The following TAFA5 variants were observed in gnomAD, a reference collection of about 807,000 sequenced individuals.
The protein encoded by TAFA5 is chemokine-like protein TAFA-5.
Under a neutral mutation model 15.3 loss-of-function variants are expected in TAFA5, and 6 were observed. The ratio of observed to expected loss-of-function variants is 0.39; its 90% CI spans 0.21 to 0.77. The LOEUF is 0.77. Among genes scored for constraint, TAFA5 ranks in the 30% least tolerant of loss-of-function variants. The probability of loss-of-function intolerance (pLI) is 0.41; values close to 1 mark genes in which losing one functional copy is unlikely to be tolerated. For synonymous variants in TAFA5, 103 were observed against 80.7 expected, an observed-to-expected ratio of 1.28 and a Z score of -1.48; for missense variants, 161 against 193.1, an observed-to-expected ratio of 0.83 and a Z score of 0.98.
chr22:48,682,590 T>G (rs191775492), intron 2 of TAFA5, among the ~76,000 whole-genome samples: 16 of 152,344 alleles, frequency 1.1e-4, no homozygotes, highest in Admixed American at 7.8e-4. Context: ...GTCATTTGCA[T>G]ATAACCCAGA....
intron 3 of TAFA5, among the ~76,000 whole-genome samples, chr22:48,718,126 G>A (rs1303184265): frequency 6.6e-6 from 1 of 152,196 alleles, no homozygotes; most frequent in Admixed American, 6.5e-5. Context: ...GGGCCCGGGA[G>A]GGTCTGCAAT....
chr22:48,735,301 C>T (rs1268514891), intron 3 of TAFA5, among the ~76,000 whole-genome samples: 8 of 152,294 alleles, frequency 5.3e-5, no homozygotes, highest in South Asian at 2.1e-4. Context: ...ACATGCATGA[C>T]GCTAGGAGAC....
At chr22:48,576,584 G>A in intron 1 of TAFA5, 2 of 1,448,468 alleles carry the variant, frequency 1.4e-6, no homozygotes, top group Non-Finnish European at 1.8e-6. Context: ...AATTGTCCCC[G>A]GGCGCGCGGA....
At chr22:48,747,054 A>G (rs1050686104) in intron 3 of TAFA5, among the ~76,000 whole-genome samples, 2 of 152,164 alleles carry the variant, frequency 1.3e-5, no homozygotes, top group African/African-American at 2.4e-5. Flanking sequence ...GGCGGAGGGC[A>G]GGGGAGTGGA....
intron 1 of TAFA5, among the ~76,000 whole-genome samples, chr22:48,494,123 C>T (rs1462977602): frequency 1.3e-5 from 2 of 152,164 alleles, no homozygotes; most frequent in South Asian, 2.1e-4. Context: ...ATCTGCCACT[C>T]GACATGCTCG....
intron 1 of TAFA5, among the ~76,000 whole-genome samples, chr22:48,529,643 G>T (rs1601558014): frequency 7.5e-6 from 1 of 133,958 alleles, no homozygotes; most frequent in East Asian, 2.3e-4. Flanking sequence ...GGAGATGAGG[G>T]TGTCCAGGCA....
chr22:48,633,911 A>G (rs1371130339), intron 1 of TAFA5, among the ~76,000 whole-genome samples: 1 of 152,198 alleles, frequency 6.6e-6, no homozygotes, highest in Non-Finnish European at 1.5e-5. Context: ...TATTTCTCAC[A>G]ATCGTGGGTG....
intron 3 of TAFA5, among the ~76,000 whole-genome samples, chr22:48,715,744 G>A (rs1216939268): frequency 6.6e-6 from 1 of 152,196 alleles, no homozygotes; most frequent in Non-Finnish European, 1.5e-5. Flanking sequence ...AGAGACAGAG[G>A]TGAGCCTGGC....
At chr22:48,734,524 G>A (rs79458871) in intron 3 of TAFA5, among the ~76,000 whole-genome samples, 6,210 of 152,332 alleles carry the variant, frequency 0.041, 322 homozygotes, top group African/African-American at 0.13. Flanking sequence ...GAGAGGAGCC[G>A]TCTGGGCTCT....
intron 2 of TAFA5, among the ~76,000 whole-genome samples, chr22:48,692,491 T>C (rs1207208362): frequency 6.6e-6 from 1 of 152,214 alleles, no homozygotes; most frequent in Non-Finnish European, 1.5e-5. Flanking sequence ...CTCAAACTCT[T>C]GGGTTCAAGT....
intron 2 of TAFA5, among the ~76,000 whole-genome samples, chr22:48,703,694 G>A (rs947035571): frequency 6.6e-6 from 1 of 152,226 alleles, no homozygotes; most frequent in African/African-American, 2.4e-5. Context: ...GCTTCGTGGT[G>A]GGCATGAGGT....
At chr22:48,542,713 TTAG>T (rs1433768229) in intron 1 of TAFA5, among the ~76,000 whole-genome samples, 2 of 142,552 alleles carry the variant, frequency 1.4e-5, no homozygotes, top group African/African-American at 5.3e-5. Context: ...GATGTGTGTA[TTAG>T]TGTGTGTGTG....
chr22:48,563,543 G>T (rs1923310691), intron 1 of TAFA5, among the ~76,000 whole-genome samples: 1 of 152,216 alleles, frequency 6.6e-6, no homozygotes, highest in Non-Finnish European at 1.5e-5. Flanking sequence ...CTCCCAGAGG[G>T]TGCCTGCATC....
intron 1 of TAFA5, among the ~76,000 whole-genome samples, chr22:48,494,315 C>A (rs1368530375): frequency 1.3e-5 from 2 of 152,178 alleles, no homozygotes; most frequent in Non-Finnish European, 2.9e-5. Flanking sequence ...CTCCTTTTTG[C>A]ATTAAAATGT....
At chr22:48,658,930 C>T (rs1458271746) in intron 2 of TAFA5, among the ~76,000 whole-genome samples, 3 of 152,184 alleles carry the variant, frequency 2.0e-5, no homozygotes, top group Non-Finnish European at 4.4e-5. Context: ...ACCATGGCCT[C>T]AGACTGCAGC....
intron 2 of TAFA5, among the ~76,000 whole-genome samples, chr22:48,676,710 G>A (rs1041643277): frequency 2.0e-5 from 3 of 152,320 alleles, no homozygotes; most frequent in South Asian, 4.1e-4. Flanking sequence ...TGGACTCTGC[G>A]GCCGGGGAGC....
At chr22:48,665,452 G>A (rs1208603130) in intron 2 of TAFA5, among the ~76,000 whole-genome samples, 1 of 152,102 alleles carries the variant, frequency 6.6e-6, no homozygotes, top group Non-Finnish European at 1.5e-5. Context: ...TGTGGGAAAC[G>A]TCATCTTACC....
At chr22:48,523,248 C>T (rs954937840) in intron 1 of TAFA5, among the ~76,000 whole-genome samples, 1 of 152,224 alleles carries the variant, frequency 6.6e-6, no homozygotes, top group African/African-American at 2.4e-5. Context: ...TCCTGTGCTC[C>T]CTGGCTTTGC....
chr22:48,724,385 T>G (rs1171926713), intron 3 of TAFA5, among the ~76,000 whole-genome samples: 2 of 152,136 alleles, frequency 1.3e-5, no homozygotes, highest in Non-Finnish European at 2.9e-5. Context: ...GCAGCTTCCC[T>G]CCTCCCGACA....
Sources: gnomAD v4.1 joint callset for allele counts (sites outside exome capture counted in the v4.1 genomes callset) on GRCh38, gnomAD v4.1.1 for gene constraint, MANE v1.5 for transcripts, NCBI Gene and HGNC (gene_info 2026-07-23, HGNC 2026-07-21) for gene names.